Variants in KCTD14 observed in about 807,000 individuals in gnomAD.
KCTD14 encodes potassium channel tetramerization domain containing 14.
Under a neutral mutation model 5.9 loss-of-function variants are expected in KCTD14, and 7 were observed. That is an observed-to-expected ratio of 1.19 (90% confidence interval 0.68 to 2.23). The LOEUF (loss-of-function observed/expected upper bound fraction) is 2.23. Ranked by LOEUF, KCTD14 falls within the 30% of genes most tolerant of loss-of-function variation. The pLI is 0.00. For synonymous variants in KCTD14, 140 were observed against 133.1 expected (o/e 1.05, Z -0.36); for missense variants, 342 against 332.2 (o/e 1.03, Z -0.23).
intron 2 of KCTD14, among the ~76,000 whole-genome samples, chr11:78,035,187 T>C (rs1435807692): frequency 1.3e-5 from 2 of 152,172 alleles, no homozygotes; most frequent in East Asian, 3.9e-4. Flanking sequence ...GTAACTCTTC[T>C]ACCTGTCTCT....
chr11:78,017,675 C>A (rs1857208111), intron 1 of KCTD14, among the ~76,000 whole-genome samples: 1 of 152,010 alleles, frequency 6.6e-6, no homozygotes, highest in South Asian at 2.1e-4. Flanking sequence ...AAACTCCTGA[C>A]CTCACGTGAT....
upstream of KCTD14, among the ~76,000 whole-genome samples, chr11:78,028,111 T>G (rs12797666): frequency 0.74 from 112,280 of 151,946 alleles, 42,417 homozygotes; most frequent in Non-Finnish European, 0.81. Context: ...ATTTTTTGTT[T>G]ATAGTACCGA....
chr11:78,028,628 G>A (rs1857533572), intron 2 of KCTD14, among the ~76,000 whole-genome samples: 1 of 147,478 alleles, frequency 6.8e-6, no homozygotes, highest in Non-Finnish European at 1.5e-5. Context: ...AAAGCAGCCT[G>A]AGGGGACGTG....
intron 1 of KCTD14, among the ~76,000 whole-genome samples, chr11:78,021,429 T>C (rs1311922473): frequency 6.6e-6 from 1 of 152,044 alleles, no homozygotes; most frequent in Non-Finnish European, 1.5e-5. Context: ...TTGCTTGTTT[T>C]TTGTTTTGAG....
At chr11:78,036,333 G>A (rs1486977556) in intron 2 of KCTD14, among the ~76,000 whole-genome samples, 2 of 152,250 alleles carry the variant, frequency 1.3e-5, no homozygotes, top group African/African-American at 4.8e-5. Context: ...ACTGGGACAA[G>A]AGGGGAGCTG....
Position 78,016,097 on chromosome 11 carries a change from T to C in KCTD14, c.*496A>G, listed in dbSNP as rs760033553. On this transcript the variant is annotated 3_prime_UTR_variant, in exon 2 of 2. Coordinates refer to ENST00000353172, the MANE Select transcript of KCTD14 (RefSeq NM_023930.4). Reference sequence around the variant, plus strand: ...GATGATGCACTTTGAAAACCTCCACTCTAGAGAAGAGGACAGCTCTGAGGT... The same window carrying C: ...GATGATGCACTTTGAAAACCTCCACCCTAGAGAAGAGGACAGCTCTGAGGT... 1 of 157,812 alleles carries C rather than the reference T, an allele frequency of 6.3e-6. No individual in the cohort carries two copies. Among genetic ancestry groups the C allele is most frequent in the African/African-American group, 2.4e-5 (1 of 41,480 alleles). The allele number at this position is 157,812 out of a possible 1,614,324, so 9.8% of individuals were successfully genotyped here. A position where few individuals can be genotyped will look rare whatever the true frequency, so the allele number is the denominator to read the frequency against.
chr11:78,027,038 G>A (rs1043575191), upstream of KCTD14, among the ~76,000 whole-genome samples: 1 of 152,120 alleles, frequency 6.6e-6, no homozygotes, highest in Non-Finnish European at 1.5e-5. Flanking sequence ...GGTGGAGGTT[G>A]CAGTGAGCCG....
Position 78,040,677 on chromosome 11 carries a change from T to TTA in KCTD14, c.-95-1920_-95-1919insTA, listed in dbSNP as rs202205344. On this transcript the variant is annotated intron_variant, in intron 1 of 2. Coordinates refer to the KCTD14 transcript ENST00000533144. ...TGATTTTTTATTTTATTTTATTATT[T>TTA]TTTTTTTTTTGAGATGGAGTTTCAC... 9.3e-3 allele frequency among the ~76,000 whole-genome samples: 424 copies of TTA among 45,370 alleles called. 2 individuals are homozygous for TTA. The highest frequency in any genetic ancestry group is 0.038 in the African/African-American group (394 of 10,396). 29.8% of individuals were successfully genotyped at this position (45,370 alleles called of 152,430 possible).
chr11:78,036,897 C>T (rs1388537578), intron 2 of KCTD14, among the ~76,000 whole-genome samples: 1 of 152,244 alleles, frequency 6.6e-6, no homozygotes, highest in African/African-American at 2.4e-5. Flanking sequence ...AGGAAAGGAA[C>T]AGACATGTAT....
chr11:78,034,312 G>A (rs1298583163), intron 2 of KCTD14, among the ~76,000 whole-genome samples: 6 of 152,090 alleles, frequency 3.9e-5, no homozygotes, highest in Admixed American at 1.3e-4. Flanking sequence ...TTGTAGAGAC[G>A]AGAACTTCCT....
chr11:78,016,472 A>G lies in KCTD14; in HGVS notation c.*121T>C, dbSNP rs1857166356. 1 of 813,548 alleles carries G rather than the reference A, an allele frequency of 1.2e-6. No individual in the cohort carries two copies. Among genetic ancestry groups the G allele is most frequent in the African/African-American group, 1.7e-5 (1 of 58,072 alleles). 50.4% of individuals were successfully genotyped at this position (813,548 alleles called of 1,614,324 possible). On this transcript the variant is annotated 3_prime_UTR_variant, in exon 2 of 2. Coordinates refer to ENST00000353172, the MANE Select transcript of KCTD14 (RefSeq NM_023930.4). ...AACGAGTGATCAATATTTAGTGGCAAGACTCTAGACCAACCCTGGAAATTG... is the reference window on the plus strand; with the variant it reads ...AACGAGTGATCAATATTTAGTGGCAGGACTCTAGACCAACCCTGGAAATTG...
upstream of KCTD14, among the ~76,000 whole-genome samples, chr11:78,024,451 T>C (rs1240514275): frequency 7.4e-4 from 109 of 147,776 alleles, no homozygotes; most frequent in African/African-American, 2.5e-3. Context: ...CACACATATA[T>C]ATATATATAC....
At chr11:78,028,428 C>T (rs1173471246) in intron 2 of KCTD14, among the ~76,000 whole-genome samples, 3 of 152,014 alleles carry the variant, frequency 2.0e-5, no homozygotes, top group Non-Finnish European at 4.4e-5. Flanking sequence ...CATAGTGAAA[C>T]CCCATATCTA....
rs1176244513 is a variant in KCTD14, at chr11:78,016,917, G to T, written c.444C>A (p.Asn148Lys). 1.9e-6 allele frequency: 3 copies of T among 1,614,238 alleles called. No individual in the cohort carries two copies. The highest frequency in any genetic ancestry group is 1.1e-5 in the South Asian group (1 of 91,090). The change falls in exon 2 of 2, where the codon AAC becomes AAA. Residue 148 changes from asparagine to lysine, a missense_variant. Coordinates refer to ENST00000353172, the MANE Select transcript of KCTD14 (RefSeq NM_023930.4). The stretch of plus-strand genomic sequence containing the variant: ...GTGCCAGGCGCACCATGAGCTCCAG[G>T]TTCTCGCTGTAGCCCGGCACTTGCA... ...FLLQVPGYSE[N>K]LELMVRLARA...
chr11:78,033,798 A>G (rs941229291), intron 2 of KCTD14, among the ~76,000 whole-genome samples: 1 of 149,580 alleles, frequency 6.7e-6, no homozygotes, highest in African/African-American at 2.5e-5. Flanking sequence ...ATGAGCCGAG[A>G]TCACACCACT....
At chr11:78,027,583 G>A (rs1392685690), upstream of KCTD14, among the ~76,000 whole-genome samples, 8 of 151,984 alleles carry the variant, frequency 5.3e-5, no homozygotes, top group Non-Finnish European at 1.0e-4. Flanking sequence ...GGATGGTCTC[G>A]ATCTCCTGAC....
chr11:78,023,596 T>A, upstream of KCTD14: 1 of 239,240 alleles, frequency 4.2e-6, no homozygotes, highest in Admixed American at 5.4e-5. Flanking sequence ...CACTGCAACC[T>A]CAACCTCCTG....
intron 1 of KCTD14, among the ~76,000 whole-genome samples, chr11:78,021,819 C>G (rs1310002407): frequency 6.6e-6 from 1 of 152,174 alleles, no homozygotes; most frequent in East Asian, 1.9e-4. Context: ...GACTCCATAA[C>G]AAGGTTTAGA....
At chr11:78,043,362 T>C (rs1326786719) in intron 1 of KCTD14, among the ~76,000 whole-genome samples, 1 of 152,158 alleles carries the variant, frequency 6.6e-6, no homozygotes, top group Non-Finnish European at 1.5e-5. Flanking sequence ...CTGTCATCGC[T>C]AAAAAAGAAT....
Sources: gnomAD v4.1 joint callset for allele counts (sites outside exome capture counted in the v4.1 genomes callset) on GRCh38, gnomAD v4.1.1 for gene constraint, MANE v1.5 for transcripts, NCBI Gene and HGNC (gene_info 2026-07-23, HGNC 2026-07-21) for gene names.